Variants in ETS1 observed in about 807,000 individuals in gnomAD.
The protein encoded by ETS1 is ETS proto-oncogene 1, transcription factor, also known as protein C-ets-1.
A neutral mutation model predicts 58.6 loss-of-function variants in ETS1; 15 were observed. That is an observed-to-expected ratio of 0.26 (90% CI 0.17 to 0.39). ETS1 has a LOEUF of 0.39. Among genes scored for constraint, ETS1 ranks in the 10% least tolerant of loss-of-function variants. The probability of loss-of-function intolerance (pLI) is 1.00; values close to 1 mark genes in which losing one functional copy is unlikely to be tolerated. For synonymous variants in ETS1, 214 were observed against 218.2 expected (o/e 0.98, Z 0.17); for missense variants, 417 against 610.5 (o/e 0.68, Z 3.34).
chr11:128,482,502 T>C (rs1318025548), intron 7 of ETS1, among the ~76,000 whole-genome samples: 1 of 152,126 alleles, frequency 6.6e-6, no homozygotes, highest in African/African-American at 2.4e-5. Flanking sequence ...ACAAGCAAGA[T>C]AGTAGAGTTT....
intron 1 of ETS1, among the ~76,000 whole-genome samples, chr11:128,576,772 C>T (rs1258110808): frequency 2.0e-5 from 3 of 151,826 alleles, no homozygotes; most frequent in African/African-American, 7.3e-5. Context: ...TTCTTAGGCA[C>T]GCGTTGCCAG....
At chr11:128,501,583 T>G (rs1170088631) in intron 3 of ETS1, among the ~76,000 whole-genome samples, 1 of 152,252 alleles carries the variant, frequency 6.6e-6, no homozygotes. Flanking sequence ...ATGCACTAAG[T>G]GTGCTTTCTG....
chr11:128,538,755 T>TAC (rs141065992), intron 3 of ETS1, among the ~76,000 whole-genome samples: 6,020 of 144,898 alleles, frequency 0.042, 127 homozygotes, highest in African/African-American at 0.057. Context: ...CATACACACA[T>TAC]ACACACACAC....
intron 3 of ETS1, among the ~76,000 whole-genome samples, chr11:128,525,733 G>T (rs12223943): frequency 0.057 from 8,622 of 151,596 alleles, 338 homozygotes; most frequent in East Asian, 0.15. Flanking sequence ...ACAGAAACAA[G>T]CTTTGAAAGC....
chr11:128,546,182 G>A (rs1864130131), intron 3 of ETS1, among the ~76,000 whole-genome samples: 1 of 152,244 alleles, frequency 6.6e-6, no homozygotes, highest in African/African-American at 2.4e-5. Context: ...TGGGTAATCT[G>A]TCTAGACTGG....
intron 2 of ETS1, among the ~76,000 whole-genome samples, chr11:128,562,420 A>G (rs1435950229): frequency 1.3e-5 from 2 of 152,140 alleles, no homozygotes; most frequent in African/African-American, 4.8e-5. Flanking sequence ...AAAAAGAAAA[A>G]AGAAAATAAA....
intron 3 of ETS1, among the ~76,000 whole-genome samples, chr11:128,540,613 T>C (rs1305208966): frequency 2.0e-5 from 3 of 152,184 alleles, no homozygotes; most frequent in Admixed American, 6.5e-5. Context: ...TTCACCAAAG[T>C]TCAGTGGAAA....
chr11:128,468,584 C>A (rs929935345), intron 8 of ETS1, among the ~76,000 whole-genome samples: 6 of 152,124 alleles, frequency 3.9e-5, no homozygotes, highest in Non-Finnish European at 7.3e-5. Flanking sequence ...ACCACAAGTT[C>A]TCACTCTTGT....
intron 8 of ETS1, among the ~76,000 whole-genome samples, chr11:128,474,137 G>A (rs1486122564): frequency 6.6e-6 from 1 of 152,212 alleles, no homozygotes; most frequent in African/African-American, 2.4e-5. Flanking sequence ...GCTATACCCA[G>A]AATAGAGGGG....
At chr11:128,582,341 A>G (rs1365127010) in intron 1 of ETS1, among the ~76,000 whole-genome samples, 1 of 152,238 alleles carries the variant, frequency 6.6e-6, no homozygotes, top group Non-Finnish European at 1.5e-5. Context: ...AGGATTATAG[A>G]GGAGGATCAT....
At chr11:128,529,093 G>A (rs1863853329) in intron 3 of ETS1, 1 of 152,182 alleles carries the variant, frequency 6.6e-6, no homozygotes, top group Admixed American at 6.5e-5. Flanking sequence ...AAGGTAAGAT[G>A]TACAACTGCT....
intron 3 of ETS1, among the ~76,000 whole-genome samples, chr11:128,512,337 C>A (rs1863413578): frequency 6.6e-6 from 1 of 152,200 alleles, no homozygotes; most frequent in Admixed American, 6.5e-5. Flanking sequence ...GAAGTGCTTA[C>A]ACAAGCACCA....
At chr11:128,546,145 G>A (rs1864129736) in intron 3 of ETS1, among the ~76,000 whole-genome samples, 1 of 152,202 alleles carries the variant, frequency 6.6e-6, no homozygotes, top group African/African-American at 2.4e-5. Flanking sequence ...AGACATTGCT[G>A]GGAAGTTCAA....
chr11:128,573,243 T>A, intron 1 of ETS1, 99 bp from the exon 2 acceptor site: 1 of 823,586 alleles, frequency 1.2e-6, no homozygotes, highest in Non-Finnish European at 2.0e-6. Flanking sequence ...AAAGTCTCCT[T>A]AGGAGCCAAC....
At chr11:128,585,023 G>A (rs867262238) in intron 1 of ETS1, among the ~76,000 whole-genome samples, 28 of 8,850 alleles carry the variant, frequency 3.2e-3, no homozygotes, top group East Asian at 0.011. Context: ...AAAGAAAGAA[G>A]AAAGAAAGAA....
intron 3 of ETS1, among the ~76,000 whole-genome samples, chr11:128,537,779 G>T (rs1863993439): frequency 6.6e-6 from 1 of 151,950 alleles, no homozygotes; most frequent in Non-Finnish European, 1.5e-5. Context: ...AGACAAATAG[G>T]ACATAGCATT....
rs1861976429 is a variant in ETS1, at chr11:128,464,268, G to A, written c.1124-641C>T. The stretch of plus-strand genomic sequence containing the variant: ...AAAAAAAAAAGCATCATTACTATTT[G>A]AGGAATTAACGTGCCACCCAGAAAA... On this transcript the variant is annotated intron_variant, in intron 8 of 9. Coordinates refer to ENST00000392668, the MANE Select transcript of ETS1 (RefSeq NM_001143820.2). The surrounding 1 kb of genome is among the most constrained non-coding windows in gnomAD (Gnocchi z 4.1). Among the ~76,000 whole-genome samples the A allele has an allele frequency of 6.7e-6, 1 of 148,840 alleles. No individual in the cohort carries two copies. Among genetic ancestry groups the A allele is most frequent in the Non-Finnish European group, 1.5e-5 (1 of 67,640 alleles).
intron 3 of ETS1, among the ~76,000 whole-genome samples, chr11:128,553,439 C>T (rs1864263611): frequency 6.6e-6 from 1 of 151,824 alleles, no homozygotes; most frequent in African/African-American, 2.4e-5. Flanking sequence ...CACTTTTTTT[C>T]CCTTTCCCAT....
In ETS1 at chr11:128,490,446, C is replaced by G; in HGVS notation, c.334+11G>C. 6.2e-7 allele frequency: 1 copy of G among 1,613,768 alleles called. No homozygotes were observed. Among genetic ancestry groups the G allele is most frequent in the Non-Finnish European group, 8.5e-7 (1 of 1,179,796 alleles). On this transcript the variant is annotated intron_variant, in intron 4 of 9. Coordinates refer to ENST00000392668, the MANE Select transcript of ETS1 (RefSeq NM_001143820.2). ...ACCCCAACCACTCTTTTTCCAACTA[C>G]AAAACCATACCTTTTGGGATCCCCA...
Sources: allele counts gnomAD v4.1 joint callset (sites outside exome capture counted in the v4.1 genomes callset), GRCh38; gene constraint gnomAD v4.1.1; non-coding constraint Gnocchi (gnomAD v3.1); transcripts MANE v1.5; gene names NCBI Gene and HGNC (gene_info 2026-07-23, HGNC 2026-07-21).